The following MAPK6 variants were observed in gnomAD, a reference collection of about 807,000 sequenced individuals.
MAPK6 encodes the protein mitogen-activated protein kinase 6.
Under a neutral mutation model 59.3 loss-of-function variants are expected in MAPK6, and 19 were observed. The ratio of observed to expected loss-of-function variants is 0.32; its 90% CI spans 0.22 to 0.47. MAPK6 has a LOEUF of 0.47. Among genes scored for constraint, MAPK6 ranks in the 20% least tolerant of loss-of-function variants. The probability of loss-of-function intolerance (pLI) is 1.00; values close to 1 mark genes in which losing one functional copy is unlikely to be tolerated. For synonymous variants in MAPK6, 316 were observed against 290.3 expected (o/e 1.09, Z -0.90); for missense variants, 724 against 847.9 (o/e 0.85, Z 1.81).
intron 3 of MAPK6, among the ~76,000 whole-genome samples, chr15:52,051,747 G>A (rs1178576998): frequency 7.9e-5 from 12 of 151,922 alleles, no homozygotes; most frequent in South Asian, 6.2e-4. Flanking sequence ...GGTGGCGCAC[G>A]CCTGTAATCC....
chr15:51,976,417 G>A (rs1252030948), intron 1 of MAPK6, among the ~76,000 whole-genome samples: 3 of 151,626 alleles, frequency 2.0e-5, no homozygotes, highest in Admixed American at 6.6e-5. Flanking sequence ...CAGAGGGAAC[G>A]CAGTTATTGA....
chr15:51,974,133 A>T (rs1424469371), intron 1 of MAPK6, among the ~76,000 whole-genome samples: 1 of 151,792 alleles, frequency 6.6e-6, no homozygotes, highest in African/African-American at 2.4e-5. Context: ...TTAAAAACTT[A>T]AAAAAATATA....
chr15:52,019,314 C>G lies in MAPK6; in HGVS notation c.-694C>G, dbSNP rs11550439. 2.6e-5 allele frequency: 4 copies of G among 152,262 alleles called. No homozygotes were observed. The highest frequency in any genetic ancestry group is 2.6e-4 in the Admixed American group (4 of 15,256). 9.4% of individuals were successfully genotyped at this position (152,262 alleles called of 1,614,324 possible). ...CCGCTGCCGCCAGCACAGCCGGAGACCTGAGCCGACACTGGGGGCAGTCCG... is the reference window on the plus strand; with the variant it reads ...CCGCTGCCGCCAGCACAGCCGGAGAGCTGAGCCGACACTGGGGGCAGTCCG... On this transcript the variant is annotated 5_prime_UTR_variant, in exon 1 of 6. Transcript: ENST00000261845.
At chr15:51,972,522 C>T (rs887865085) in intron 1 of MAPK6, among the ~76,000 whole-genome samples, 2 of 150,712 alleles carry the variant, frequency 1.3e-5, no homozygotes, top group Non-Finnish European at 3.0e-5. Flanking sequence ...CTTTTTTAAG[C>T]TTTAAATGAC....
rs201287596 is a variant in MAPK6 at position 52,061,512 on chromosome 15, C to G, written c.1067+12C>G. 5 of 1,588,894 alleles carry G rather than the reference C, an allele frequency of 3.1e-6. No individual in the cohort carries two copies. The African/African-American group carries it at 4.0e-5, about 13-fold the overall frequency. On this transcript the variant is annotated intron_variant, in intron 5 of 5. Coordinates refer to ENST00000261845, the MANE Select transcript of MAPK6 (RefSeq NM_002748.4). ...TATAACTGGGAAAGGTAAATTGATC[C>G]TAAATTAGAAAAATAATATTTACTG...
chr15:52,002,660 A>G (rs1460703207), intron 2 of MAPK6, among the ~76,000 whole-genome samples: 1 of 152,226 alleles, frequency 6.6e-6, no homozygotes, highest in Non-Finnish European at 1.5e-5. Flanking sequence ...TTGTTCTGAC[A>G]GGGCAAAATA....
intron 2 of MAPK6, among the ~76,000 whole-genome samples, chr15:52,048,116 A>G (rs1018960954): frequency 5.9e-5 from 9 of 152,096 alleles, no homozygotes; most frequent in Admixed American, 4.6e-4. Flanking sequence ...AAATCTTCAT[A>G]CATGTTGTTT....
At chr15:51,981,252 A>T (rs2433220) in intron 1 of MAPK6, among the ~76,000 whole-genome samples, 64,997 of 149,734 alleles carry the variant, frequency 0.43, 14,444 homozygotes, top group Admixed American at 0.53. Flanking sequence ...GGCCAGCGGA[A>T]CATGAGGTCA....
chr15:52,016,438 C>T (rs1440591650), upstream of MAPK6, among the ~76,000 whole-genome samples: 1 of 151,940 alleles, frequency 6.6e-6, no homozygotes, highest in Non-Finnish European at 1.5e-5. Flanking sequence ...ACTACATTGA[C>T]ATGACTTTAC....
chr15:52,038,764 G>T (rs1178708978), intron 1 of MAPK6, among the ~76,000 whole-genome samples: 1 of 152,152 alleles, frequency 6.6e-6, no homozygotes, highest in Admixed American at 6.5e-5. Flanking sequence ...TAAGAAATGG[G>T]ATCAAGCGTT....
intron 2 of MAPK6, among the ~76,000 whole-genome samples, chr15:52,002,786 TC>T (rs1323786570): frequency 4.6e-5 from 7 of 152,176 alleles, no homozygotes; most frequent in Admixed American, 4.6e-4. Flanking sequence ...TGGGGAGGCC[TC>T]AGGAGACTTA....
chr15:51,997,599 T>TC (rs2057228602), intron 2 of MAPK6, among the ~76,000 whole-genome samples: 1 of 150,710 alleles, frequency 6.6e-6, no homozygotes, highest in African/African-American at 2.4e-5. Context: ...TCTTTTTTTT[T>TC]TTTTTTTTGA....
intron 3 of MAPK6, among the ~76,000 whole-genome samples, chr15:52,011,852 T>C (rs887364646): frequency 6.6e-6 from 1 of 152,216 alleles, no homozygotes; most frequent in African/African-American, 2.4e-5. Context: ...AAACCGTGTC[T>C]AGGAGAGCAG....
intron 1 of MAPK6, among the ~76,000 whole-genome samples, chr15:52,025,129 T>G (rs1274840183): frequency 1.4e-4 from 22 of 152,062 alleles, no homozygotes; most frequent in Admixed American, 1.4e-3. Flanking sequence ...TAGTCCCAGC[T>G]ACTTATGAGG....
At chr15:52,047,622 A>G (rs1455002050) in intron 2 of MAPK6, among the ~76,000 whole-genome samples, 1 of 150,496 alleles carries the variant, frequency 6.6e-6, no homozygotes, top group Non-Finnish European at 1.5e-5. Flanking sequence ...CTAGGATTAC[A>G]GGTGTGAGCC....
At chr15:51,976,848 G>A (rs2057158915) in intron 1 of MAPK6, among the ~76,000 whole-genome samples, 1 of 151,710 alleles carries the variant, frequency 6.6e-6, no homozygotes, top group African/African-American at 2.4e-5. Context: ...GGAAGCTGAA[G>A]CAGGAGAATC....
At chr15:52,012,727 A>G (rs2030087777) in intron 3 of MAPK6, among the ~76,000 whole-genome samples, 1 of 151,826 alleles carries the variant, frequency 6.6e-6, no homozygotes, top group Non-Finnish European at 1.5e-5. Flanking sequence ...GATGGCTTAC[A>G]CCTGTAATCC....
intron 1 of MAPK6, among the ~76,000 whole-genome samples, chr15:52,031,332 T>C (rs2031025365): frequency 6.6e-6 from 1 of 152,224 alleles, no homozygotes; most frequent in Admixed American, 6.5e-5. Flanking sequence ...TAAGTTACAG[T>C]GAGAGATAAT....
At chr15:52,003,649 G>A (rs2057249320) in intron 2 of MAPK6, among the ~76,000 whole-genome samples, 3 of 152,204 alleles carry the variant, frequency 2.0e-5, no homozygotes, top group Admixed American at 2.0e-4. Context: ...ATTATGCTAT[G>A]TGCGCAACTT....
Sources: allele counts gnomAD v4.1 joint callset (sites outside exome capture counted in the v4.1 genomes callset), GRCh38; gene constraint gnomAD v4.1.1; transcripts MANE v1.5; gene names NCBI Gene and HGNC (gene_info 2026-07-23, HGNC 2026-07-21).